The following VGLL4 variants were observed in gnomAD, a reference collection of about 807,000 sequenced individuals.
VGLL4 encodes vestigial like family member 4.
A neutral mutation model predicts 21.0 loss-of-function variants in VGLL4; 7 were observed. The ratio of observed to expected loss-of-function variants is 0.33; its 90% confidence interval spans 0.19 to 0.63. The LOEUF (loss-of-function observed/expected upper bound fraction) is 0.63. Ranked by LOEUF, VGLL4 falls within the 20% of genes least tolerant of loss-of-function variation. The pLI, the probability that VGLL4 is intolerant of heterozygous loss-of-function variation, is 0.78. For missense variants in VGLL4, 394 were observed against 425.7 expected (o/e 0.93, Z 0.66); for synonymous variants, 222 against 173.2 (o/e 1.28, Z -2.21).
At chr3:11,560,875 G>T (rs1375872265) in intron 3 of VGLL4, among the ~76,000 whole-genome samples, 1 of 152,196 alleles carries the variant, frequency 6.6e-6, no homozygotes, top group Non-Finnish European at 1.5e-5. Context: ...CTGTGGACAG[G>T]GCCTCGGGTG....
chr3:11,596,712 T>A (rs1024613342), intron 2 of VGLL4, among the ~76,000 whole-genome samples: 5 of 152,236 alleles, frequency 3.3e-5, no homozygotes, highest in Non-Finnish European at 7.3e-5. Flanking sequence ...ATGTGGCTAC[T>A]AAGCTTGAAA....
At chr3:11,631,364 C>A (rs189541555) in intron 1 of VGLL4, among the ~76,000 whole-genome samples, 141 of 152,248 alleles carry the variant, frequency 9.3e-4, no homozygotes, top group African/African-American at 3.3e-3. Flanking sequence ...CCACTCATAA[C>A]CAAAACTTAA....
chr3:11,564,786 CAG>C lies in VGLL4; in HGVS notation c.495+9_495+10del. ...GGACTCCCCACGCCACCCTCCCAGA[CAG>C]AGGCCCACCTGCTGCCGCTCCCCCG... On this transcript the variant is annotated intron_variant, in intron 3 of 4. Coordinates refer to ENST00000430365, the MANE Select transcript of VGLL4 (RefSeq NM_001128219.3). The C allele has an allele frequency of 1.3e-6, 2 of 1,539,556 alleles. No homozygotes were observed. Among genetic ancestry groups the C allele is most frequent in the South Asian group, 1.2e-5 (1 of 84,124 alleles).
At chr3:11,694,430 G>A (rs111709629) in intron 2 of VGLL4, among the ~76,000 whole-genome samples, 8,488 of 152,154 alleles carry the variant, frequency 0.056, 274 homozygotes, top group Middle Eastern at 0.092. Flanking sequence ...AGACCACCCT[G>A]GCCAACATGG....
intron 1 of VGLL4, among the ~76,000 whole-genome samples, chr3:11,713,397 T>C (rs915049905): frequency 6.6e-6 from 1 of 152,106 alleles, no homozygotes; most frequent in Admixed American, 6.6e-5. Context: ...GCTGCCGTAA[T>C]TTGAAGCATC....
chr3:11,666,201 G>A (rs1009138294), intron 2 of VGLL4, among the ~76,000 whole-genome samples: 18 of 150,034 alleles, frequency 1.2e-4, no homozygotes, highest in African/African-American at 4.4e-4. Flanking sequence ...GCAGTGAGCC[G>A]AGATGTGCCG....
At chr3:11,569,850 T>C (rs2125158952) in intron 2 of VGLL4, among the ~76,000 whole-genome samples, 1 of 152,258 alleles carries the variant, frequency 6.6e-6, no homozygotes, top group South Asian at 2.1e-4. Context: ...CACTGCACTT[T>C]AGCCTGGGTG....
chr3:11,717,490 A>ATTTTTTT (rs60921966), intron 1 of VGLL4, among the ~76,000 whole-genome samples: 828 of 72,918 alleles, frequency 0.011, 99 homozygotes, highest in East Asian at 0.064. Context: ...CCCACTACAG[A>ATTTTTTT]TTTTTTTTTT....
intron 1 of VGLL4, among the ~76,000 whole-genome samples, chr3:11,606,228 C>T (rs1343844544): frequency 6.6e-6 from 1 of 152,180 alleles, no homozygotes; most frequent in African/African-American, 2.4e-5. Context: ...ACCGCCCCCA[C>T]GATTCAGTTA....
chr3:11,573,385 AAGAAAG>A, intron 2 of VGLL4, among the ~76,000 whole-genome samples: 1 of 148,680 alleles, frequency 6.7e-6, no homozygotes, highest in East Asian at 2.0e-4. Flanking sequence ...GAAAGAAAGA[AAGAAAG>A]AAAGAAAATG....
At chr3:11,672,465 C>A (rs560538144) in intron 2 of VGLL4, among the ~76,000 whole-genome samples, 1 of 152,240 alleles carries the variant, frequency 6.6e-6, no homozygotes, top group South Asian at 2.1e-4. Flanking sequence ...ATCCCTGGAG[C>A]AATATCCCTG....
intron 1 of VGLL4, among the ~76,000 whole-genome samples, chr3:11,637,564 C>T (rs984921353): frequency 4.1e-4 from 63 of 152,196 alleles, no homozygotes; most frequent in African/African-American, 1.4e-3. Flanking sequence ...AATAAACATT[C>T]TTTCAACTAG....
rs1394490112 is a variant in VGLL4, at chr3:11,558,629, G to C, written c.818C>G (p.Ser273Cys). 2 of 1,609,612 alleles carry C rather than the reference G, an allele frequency of 1.2e-6. No individual in the cohort carries two copies. Among genetic ancestry groups the C allele is most frequent in the South Asian group, 1.1e-5 (1 of 91,088 alleles). The change falls in exon 5 of 5, where the codon TCT (serine) becomes TGT (cysteine). Residue 273 changes from serine to cysteine, a missense_variant. Physicochemically the swap from Ser to Cys is moderately radical, Grantham distance 112. Transcript: ENST00000430365. ...GGGGCTGGCGGGCTGGCCCCTGCGA[G>C]AGGCGGACTCAGGGCTGCTGGATGC... is the stretch of plus-strand genomic sequence containing the variant. Reference protein sequence around the residue: ...DGASSSPESASRRGQPASPSA... With the variant: ...DGASSSPESACRRGQPASPSA...
At chr3:11,652,740 C>A (rs74536680) in intron 2 of VGLL4, among the ~76,000 whole-genome samples, 1 of 151,994 alleles carries the variant, frequency 6.6e-6, no homozygotes, top group African/African-American at 2.4e-5. Flanking sequence ...TAAATCAGTG[C>A]GAGGGAAGGG....
At chr3:11,590,717 C>A (rs2074474818) in intron 2 of VGLL4, among the ~76,000 whole-genome samples, 1 of 149,488 alleles carries the variant, frequency 6.7e-6, no homozygotes, top group Non-Finnish European at 1.5e-5. Flanking sequence ...TGTGTTTTAA[C>A]CCATAGAAAC....
At chr3:11,595,155 C>T (rs1197883970) in intron 2 of VGLL4, among the ~76,000 whole-genome samples, 1 of 150,200 alleles carries the variant, frequency 6.7e-6, no homozygotes, top group Non-Finnish European at 1.5e-5. Flanking sequence ...GAGTGAAACT[C>T]CATCTCAAAC....
intron 2 of VGLL4, among the ~76,000 whole-genome samples, chr3:11,697,833 A>G (rs1336147218): frequency 2.6e-5 from 4 of 152,202 alleles, no homozygotes; most frequent in Non-Finnish European, 4.4e-5. Flanking sequence ...TCAACCTTCA[A>G]TAATCATCTC....
At chr3:11,620,853 G>T (rs925382280) in intron 1 of VGLL4, among the ~76,000 whole-genome samples, 3 of 152,172 alleles carry the variant, frequency 2.0e-5, no homozygotes, top group Admixed American at 6.5e-5. Flanking sequence ...CACGTAGGAT[G>T]TCAGTTTGCT....
intron 2 of VGLL4, among the ~76,000 whole-genome samples, chr3:11,600,123 G>A (rs902989698): frequency 6.6e-6 from 1 of 152,050 alleles, no homozygotes; most frequent in Non-Finnish European, 1.5e-5. Context: ...CATCAACAAA[G>A]TGCTATACCA....
Sources: allele counts gnomAD v4.1 joint callset (sites outside exome capture counted in the v4.1 genomes callset), GRCh38; gene constraint gnomAD v4.1.1; transcripts MANE v1.5; gene names NCBI Gene and HGNC (gene_info 2026-07-23, HGNC 2026-07-21).